The following NYAP2 variants were observed in gnomAD, a reference collection of about 807,000 sequenced individuals.
The protein encoded by NYAP2 is neuronal tyrosine-phosphorylated phosphoinositide-3-kinase adapter 2.
A neutral mutation model predicts 50.4 loss-of-function variants in NYAP2; 23 were observed. The observed-to-expected ratio is 0.46, with a 90% CI of 0.33 to 0.65. NYAP2 has a LOEUF of 0.65. Ranked by LOEUF, NYAP2 falls within the 30% of genes least tolerant of loss-of-function variation. The pLI is 0.02. For synonymous variants in NYAP2, 394 were observed against 365.2 expected (o/e 1.08, Z -0.90); for missense variants, 885 against 861.0 (o/e 1.03, Z -0.35).
At chr2:225,558,094 C>G (rs997451872) in intron 4 of NYAP2, among the ~76,000 whole-genome samples, 2 of 152,250 alleles carry the variant, frequency 1.3e-5, no homozygotes, top group South Asian at 4.1e-4. Context: ...AGGGAGTGGT[C>G]TGGCTGTGGA....
At chr2:225,416,948 C>T (rs901304544) in intron 3 of NYAP2, among the ~76,000 whole-genome samples, 2 of 152,134 alleles carry the variant, frequency 1.3e-5, no homozygotes, top group African/African-American at 4.8e-5. Flanking sequence ...AATGATTAAA[C>T]AGAAGCCCGT....
chr2:225,701,172 G>GT, the NYAP2 span: 1 of 151,800 alleles, frequency 6.6e-6, no homozygotes, highest in Non-Finnish European at 1.5e-5. Flanking sequence ...TTTGTGTAGT[G>GT]TTTCTCTAAA....
intron 3 of NYAP2, among the ~76,000 whole-genome samples, chr2:225,425,155 C>G (rs1695268626): frequency 6.6e-6 from 1 of 152,170 alleles, no homozygotes; most frequent in African/African-American, 2.4e-5. Context: ...GCCATGTAAT[C>G]TCCCACCGTT....
At chr2:225,567,889 G>A (rs1691989076) in intron 4 of NYAP2, among the ~76,000 whole-genome samples, 1 of 152,146 alleles carries the variant, frequency 6.6e-6, no homozygotes, top group African/African-American at 2.4e-5. Flanking sequence ...TGCTATTAGA[G>A]GAAGAAAAAT....
chr2:225,471,119 G>A (rs1690007324), intron 3 of NYAP2, among the ~76,000 whole-genome samples: 2 of 152,182 alleles, frequency 1.3e-5, no homozygotes, highest in Non-Finnish European at 2.9e-5. Flanking sequence ...TTGTGGAAAT[G>A]AAACAGATGC....
the NYAP2 span, among the ~76,000 whole-genome samples, chr2:225,683,013 C>G: frequency 2.6e-5 from 4 of 152,060 alleles, no homozygotes; most frequent in East Asian, 1.9e-4. Context: ...AGTCATTTCC[C>G]CCCCCCATTC....
intron 3 of NYAP2, among the ~76,000 whole-genome samples, chr2:225,437,785 C>T (rs1184411206): frequency 1.3e-5 from 2 of 152,194 alleles, no homozygotes; most frequent in Non-Finnish European, 2.9e-5. Flanking sequence ...CAACATGAAA[C>T]AGCAGGTAAG....
intron 3 of NYAP2, among the ~76,000 whole-genome samples, chr2:225,445,858 C>T (rs1689544825): frequency 6.6e-6 from 1 of 151,950 alleles, no homozygotes; most frequent in African/African-American, 2.4e-5. Context: ...TGATCATTTT[C>T]CCTTGCAGCT....
Position 225,439,834 on chromosome 2 carries a change from G to A in NYAP2, c.221+30733G>A, listed in dbSNP as rs545820909. 2.6e-5 allele frequency among the ~76,000 whole-genome samples: 4 copies of A among 152,270 alleles called. No individual in the cohort carries two copies. In the South Asian group the frequency reaches 6.2e-4, roughly 24 times the overall value. ...TTTTGCAGTTGCAAGATTTAATAGA[G>A]TGGAAACAGAACTCCCATACTCTAA... On this transcript the variant is annotated intron_variant, in intron 3 of 6. Coordinates refer to ENST00000636099, the Ensembl canonical transcript of NYAP2.
intron 4 of NYAP2, among the ~76,000 whole-genome samples, chr2:225,534,435 T>C (rs1368244065): frequency 6.6e-6 from 1 of 152,240 alleles, no homozygotes; most frequent in Non-Finnish European, 1.5e-5. Context: ...AAGTCGCAGA[T>C]ATATCCATGA....
At chr2:225,644,261 G>C (rs1378345320) in intron 6 of NYAP2, among the ~76,000 whole-genome samples, 1 of 152,130 alleles carries the variant, frequency 6.6e-6, no homozygotes, top group Non-Finnish European at 1.5e-5. Context: ...GTCTGTTCAT[G>C]TCCTTCACCC....
chr2:225,582,667 C>A lies in NYAP2; in HGVS notation c.1250C>A (p.Pro417Gln). Residue 417 changes from proline to glutamine, a missense_variant, in exon 5 of 7, where the codon CCG becomes CAG. By Grantham distance (76) the Pro-to-Gln change is moderately conservative. Transcript: ENST00000636099. The surrounding 1 kb of genome is among the most constrained non-coding windows in gnomAD (Gnocchi z 7.0). Reference sequence around the variant, plus strand: ...GCGCTCTCCTCGTCGCCCCCACCCCCGTCTACGCTGTACCGAACCCAGTCT... The same window carrying A: ...GCGCTCTCCTCGTCGCCCCCACCCCAGTCTACGCTGTACCGAACCCAGTCT... 2.5e-6 allele frequency: 4 copies of A among 1,598,266 alleles called. No individual in the cohort carries two copies. The highest frequency in any genetic ancestry group is 4.5e-5 in the East Asian group (2 of 44,290).
At chr2:225,446,212 GTCTGTCTC>G (rs1248848839) in intron 3 of NYAP2, among the ~76,000 whole-genome samples, 52 of 47,276 alleles carry the variant, frequency 1.1e-3, no homozygotes, top group Admixed American at 3.5e-3. Context: ...CTGTCTGTCT[GTCTGTCTC>G]TCTCTCTCTC....
intron 6 of NYAP2, among the ~76,000 whole-genome samples, chr2:225,643,219 G>A (rs1316075920): frequency 6.6e-6 from 1 of 151,200 alleles, no homozygotes; most frequent in East Asian, 1.9e-4. Context: ...GGTCTCATGG[G>A]CAGAAAACAG....
At chr2:225,647,155 A>T (rs1212153901) in intron 6 of NYAP2, among the ~76,000 whole-genome samples, 1 of 152,182 alleles carries the variant, frequency 6.6e-6, no homozygotes, top group Admixed American at 6.5e-5. Context: ...CTAGGAAAAA[A>T]AAAATACTGA....
At chr2:225,622,558 TTTTTCTTTCTTTCTTTC>T (rs1693133061) in intron 5 of NYAP2, among the ~76,000 whole-genome samples, 1 of 21,176 alleles carries the variant, frequency 4.7e-5, no homozygotes, top group Non-Finnish European at 8.6e-5. Flanking sequence ...TCTTTCTTTC[TTTTTCTTTCTTTCTTTC>T]TTTCTTCTTT....
At chr2:225,567,786 T>A (rs535446295) in intron 4 of NYAP2, among the ~76,000 whole-genome samples, 2 of 151,842 alleles carry the variant, frequency 1.3e-5, no homozygotes, top group African/African-American at 4.8e-5. Context: ...TGTGGAACAG[T>A]GGTAGTTTGG....
chr2:225,429,875 C>A (rs1695340946), intron 3 of NYAP2, among the ~76,000 whole-genome samples: 1 of 152,176 alleles, frequency 6.6e-6, no homozygotes, highest in African/African-American at 2.4e-5. Flanking sequence ...ACCATGGCAA[C>A]CCCAGCGTCA....
At chr2:225,615,756 A>T (rs1401289563) in intron 5 of NYAP2, among the ~76,000 whole-genome samples, 1 of 152,206 alleles carries the variant, frequency 6.6e-6, no homozygotes, top group Admixed American at 6.5e-5. Context: ...GATTAGAGCC[A>T]GCCAGACAGA....
Sources: gnomAD v4.1 joint callset for allele counts (sites outside exome capture counted in the v4.1 genomes callset) on GRCh38, gnomAD v4.1.1 for gene constraint, Gnocchi (gnomAD v3.1) non-coding constraint, MANE v1.5 for transcripts, NCBI Gene and HGNC (gene_info 2026-07-23, HGNC 2026-07-21) for gene names.